The following LRRC4C variants were observed in gnomAD, a reference collection of about 807,000 sequenced individuals.
LRRC4C encodes leucine rich repeat containing 4C.
LRRC4C carries 5 observed loss-of-function variants against 33.6 expected under a neutral mutation model. That is an observed-to-expected ratio of 0.15 (90% CI 0.08 to 0.31). The LOEUF (loss-of-function observed/expected upper bound fraction) is 0.31. Among genes scored for constraint, LRRC4C ranks in the 10% least tolerant of loss-of-function variants. LRRC4C has a pLI of 1.00. For synonymous variants in LRRC4C, 329 were observed against 302.0 expected (o/e 1.09, Z -0.93); for missense variants, 560 against 796.7 (o/e 0.70, Z 3.58).
intron 1 of LRRC4C, among the ~76,000 whole-genome samples, chr11:41,431,632 A>AGTGT (rs571043020): frequency 1.6e-5 from 2 of 125,364 alleles, no homozygotes; most frequent in Admixed American, 8.5e-5. Context: ...GATTTCTAAG[A>AGTGT]GTGTGTGTGT....
At chr11:40,761,155 T>A (rs1949193678) in intron 2 of LRRC4C, among the ~76,000 whole-genome samples, 2 of 152,028 alleles carry the variant, frequency 1.3e-5, no homozygotes, top group Admixed American at 1.3e-4. Flanking sequence ...CATATAGTGT[T>A]CGCCGCACCT....
intron 3 of LRRC4C, chr11:40,445,635 A>C (rs1951598045): frequency 6.5e-6 from 1 of 152,952 alleles, no homozygotes; most frequent in African/African-American, 2.4e-5. Flanking sequence ...CTCTCTTCTC[A>C]CAGGAGGTTT....
chr11:41,442,458 C>CTTTTTTTTTTTTTCTTTT (rs1555172317), intron 1 of LRRC4C, among the ~76,000 whole-genome samples: 1 of 84,074 alleles, frequency 1.2e-5, no homozygotes, highest in Non-Finnish European at 2.3e-5. Context: ...TTGCTTTTTT[C>CTTTTTTTTTTTTTCTTTT]TTTTTTTTTT....
intron 5 of LRRC4C, among the ~76,000 whole-genome samples, chr11:40,199,456 TTTTG>T (rs1484082528): frequency 5.3e-5 from 8 of 152,100 alleles, no homozygotes; most frequent in Non-Finnish European, 1.0e-4. Flanking sequence ...ACAATAAGGT[TTTTG>T]TTTTTGTTTT....
At chr11:40,888,941 T>A in intron 2 of LRRC4C, among the ~76,000 whole-genome samples, 1 of 151,972 alleles carries the variant, frequency 6.6e-6, no homozygotes, top group East Asian at 1.9e-4. Context: ...ATATCGTTAT[T>A]TAAGGCAATG....
At chr11:40,968,686 C>T (rs1851517244) in intron 1 of LRRC4C, among the ~76,000 whole-genome samples, 1 of 152,072 alleles carries the variant, frequency 6.6e-6, no homozygotes, top group South Asian at 2.1e-4. Context: ...AACAACAAAG[C>T]TTGGATGAGA....
intron 3 of LRRC4C, among the ~76,000 whole-genome samples, chr11:40,571,490 C>G (rs573141176): frequency 6.6e-6 from 1 of 152,070 alleles, no homozygotes; most frequent in Non-Finnish European, 1.5e-5. Context: ...TATAGCTGGA[C>G]AAGATAAGGC....
At chr11:41,409,560 G>A (rs79756185) in intron 1 of LRRC4C, among the ~76,000 whole-genome samples, 9,470 of 152,168 alleles carry the variant, frequency 0.062, 348 homozygotes, top group East Asian at 0.13. Flanking sequence ...CAGAGACATA[G>A]ACATGTTAAT....
intron 3 of LRRC4C, among the ~76,000 whole-genome samples, chr11:40,580,057 A>AGG (rs1958397462): frequency 8.5e-6 from 1 of 118,034 alleles, no homozygotes; most frequent in South Asian, 3.0e-4. Context: ...GGTACTTTTC[A>AGG]GGTGTGTGTG....
chr11:40,169,208 G>C (rs889900834), intron 5 of LRRC4C, among the ~76,000 whole-genome samples: 2 of 152,130 alleles, frequency 1.3e-5, no homozygotes, highest in African/African-American at 4.8e-5. Context: ...TAGGAACCTA[G>C]TATTCTGAAG....
chr11:41,056,125 T>C (rs1187192206), intron 1 of LRRC4C, among the ~76,000 whole-genome samples: 2 of 151,974 alleles, frequency 1.3e-5, no homozygotes, highest in Non-Finnish European at 2.9e-5. Context: ...CACCCAAGAA[T>C]GAAAAAAACT....
intron 1 of LRRC4C, among the ~76,000 whole-genome samples, chr11:41,035,874 T>C (rs1355283561): frequency 2.0e-5 from 3 of 152,072 alleles, no homozygotes; most frequent in East Asian, 1.9e-4. Flanking sequence ...CTTGAAACTA[T>C]CTGTAGGCAG....
chr11:40,676,591 C>A (rs1197907221), intron 2 of LRRC4C, among the ~76,000 whole-genome samples: 1 of 152,152 alleles, frequency 6.6e-6, no homozygotes, highest in African/African-American at 2.4e-5. Flanking sequence ...CAAAACTATG[C>A]AAGATAAATT....
chr11:41,075,340 T>G (rs1939069810), intron 1 of LRRC4C, among the ~76,000 whole-genome samples: 1 of 152,232 alleles, frequency 6.6e-6, no homozygotes, highest in East Asian at 1.9e-4. Flanking sequence ...TTGTTTTAGT[T>G]AGTTTACCAG....
intron 2 of LRRC4C, among the ~76,000 whole-genome samples, chr11:40,733,145 G>A (rs1020318323): frequency 7.9e-6 from 1 of 126,190 alleles, no homozygotes; most frequent in East Asian, 2.7e-4. Context: ...GCGAGATCTC[G>A]GCTCACTGCA....
At chr11:40,500,557 C>A (rs1239351769) in intron 3 of LRRC4C, among the ~76,000 whole-genome samples, 1 of 151,786 alleles carries the variant, frequency 6.6e-6, no homozygotes, top group African/African-American at 2.4e-5. Flanking sequence ...AACATGGTGG[C>A]AGCAAGAGAG....
chr11:40,788,751 C>G (rs1950511862), intron 2 of LRRC4C, among the ~76,000 whole-genome samples: 1 of 151,964 alleles, frequency 6.6e-6, no homozygotes, highest in African/African-American at 2.4e-5. Flanking sequence ...TATTAGACAC[C>G]TATTGGGATA....
At chr11:41,164,715 G>T (rs1047078772) in intron 1 of LRRC4C, among the ~76,000 whole-genome samples, 2 of 152,142 alleles carry the variant, frequency 1.3e-5, no homozygotes, top group African/African-American at 4.8e-5. Flanking sequence ...GTTGGGAGAA[G>T]CTGAGGCAGG....
intron 3 of LRRC4C, among the ~76,000 whole-genome samples, chr11:40,630,379 T>G (rs902611651): frequency 8.0e-6 from 1 of 125,258 alleles, no homozygotes; most frequent in Non-Finnish European, 1.7e-5. Flanking sequence ...TTCTTCTTCT[T>G]CTTCTTCTTC....
Sources: gnomAD v4.1 joint callset for allele counts (sites outside exome capture counted in the v4.1 genomes callset) on GRCh38, gnomAD v4.1.1 for gene constraint, MANE v1.5 for transcripts, NCBI Gene and HGNC (gene_info 2026-07-23, HGNC 2026-07-21) for gene names.